ATF7: variants seen among roughly 807,000 people sequenced by gnomAD.
The protein encoded by ATF7 is cyclic AMP-dependent transcription factor ATF-7.
Under a neutral mutation model 50.4 loss-of-function variants are expected in ATF7, and 10 were observed. That is an observed-to-expected ratio of 0.20 (90% CI 0.12 to 0.34). The LOEUF (loss-of-function observed/expected upper bound fraction) is 0.34. Ranked by LOEUF, ATF7 falls within the 10% of genes least tolerant of loss-of-function variation. The pLI, the probability that ATF7 is intolerant of heterozygous loss-of-function variation, is 1.00. For missense variants in ATF7, 465 were observed against 613.9 expected (o/e 0.76, Z 2.56); for synonymous variants, 201 against 226.4 (o/e 0.89, Z 1.01).
In ATF7 at chr12:53,593,594, G is replaced by A. The variant is rs553504916; in HGVS notation, c.48+7359C>T. 1.6e-4 allele frequency among the ~76,000 whole-genome samples: 24 copies of A among 152,296 alleles called. No individual in the cohort carries two copies. The South Asian group carries it at 3.3e-3, about 21-fold the overall frequency. On this transcript the variant is annotated intron_variant, in intron 2 of 11. Transcript: ENST00000420353. Reference sequence around the variant, plus strand: ...TTTTCCTTTCTAAATGGCCAGGAGGGAAGAGCTCCACAGCCACTGTATGTG... The same window carrying A: ...TTTTCCTTTCTAAATGGCCAGGAGGAAAGAGCTCCACAGCCACTGTATGTG...
intron 9 of ATF7, among the ~76,000 whole-genome samples, chr12:53,525,309 T>C (rs1938379676): frequency 6.6e-6 from 1 of 152,056 alleles, no homozygotes; most frequent in African/African-American, 2.4e-5. Flanking sequence ...GCTGAGATCA[T>C]GCCATTGCAC....
rs1273506026 is a variant in ATF7 at position 53,529,640 on chromosome 12, A to AAT, written c.927+2102_927+2103dup. On this transcript the variant is annotated intron_variant, in intron 9 of 11. Coordinates refer to ENST00000420353, the MANE Select transcript of ATF7 (RefSeq NM_006856.3). ...CACCCGGCCCTCTACTATTATTTAT[A>AAT]ATATATATATATATACACACACACA... 1.0e-3 allele frequency among the ~76,000 whole-genome samples: 151 copies of AAT among 145,648 alleles called. 1 individual carries two copies. Among genetic ancestry groups the AAT allele is most frequent in the South Asian group, 3.0e-3 (14 of 4,656 alleles).
At chr12:53,585,120 A>G (rs911322462) in intron 2 of ATF7, among the ~76,000 whole-genome samples, 4 of 151,990 alleles carry the variant, frequency 2.6e-5, no homozygotes, top group Non-Finnish European at 2.9e-5. Flanking sequence ...CTACAGGTGC[A>G]CATTACCACA....
At chr12:53,509,617 T>C (rs1944091761), downstream of ATF7, among the ~76,000 whole-genome samples, 1 of 151,790 alleles carries the variant, frequency 6.6e-6, no homozygotes, top group African/African-American at 2.4e-5. Context: ...GCGATTCTCC[T>C]GCCTCAGCCT....
downstream of ATF7, among the ~76,000 whole-genome samples, chr12:53,508,552 C>T (rs1158706539): frequency 8.8e-6 from 1 of 114,154 alleles, no homozygotes; most frequent in Non-Finnish European, 1.8e-5. Flanking sequence ...AAGAGAAACT[C>T]TGTCTCAAAA....
downstream of ATF7, among the ~76,000 whole-genome samples, chr12:53,509,774 G>T (rs960136951): frequency 6.6e-6 from 1 of 152,026 alleles, no homozygotes; most frequent in African/African-American, 2.4e-5. Context: ...CCAAAGTGTT[G>T]GGATTACAGG....
At chr12:53,608,964 T>C (rs1237933256) in intron 1 of ATF7, among the ~76,000 whole-genome samples, 1 of 152,112 alleles carries the variant, frequency 6.6e-6, no homozygotes, top group Non-Finnish European at 1.5e-5. Flanking sequence ...GAAAACAAAG[T>C]AGACTACTCA....
intron 2 of ATF7, among the ~76,000 whole-genome samples, chr12:53,562,781 C>T (rs1271596965): frequency 3.9e-5 from 6 of 151,932 alleles, no homozygotes; most frequent in East Asian, 3.8e-4. Flanking sequence ...ACCAAGAATA[C>T]CCTAATGCAA....
chr12:53,523,956 A>C (rs963341827), intron 10 of ATF7, among the ~76,000 whole-genome samples: 1 of 152,218 alleles, frequency 6.6e-6, no homozygotes, highest in Non-Finnish European at 1.5e-5. Flanking sequence ...AATATTTAGG[A>C]ATATGAATCT....
intron 1 of ATF7, among the ~76,000 whole-genome samples, chr12:53,623,770 C>T (rs1944493970): frequency 6.6e-6 from 1 of 152,166 alleles, no homozygotes; most frequent in South Asian, 2.1e-4. Flanking sequence ...TTCAGAGCAG[C>T]TGTGTTCAGA....
chr12:53,625,891 T>G (rs2137972478), intron 1 of ATF7: 1 of 152,460 alleles, frequency 6.6e-6, no homozygotes, highest in Non-Finnish European at 1.5e-5. Flanking sequence ...TAGACTACCC[T>G]TCCCTCAGGA....
At chr12:53,568,154 A>G (rs1300954139) in intron 2 of ATF7, among the ~76,000 whole-genome samples, 1 of 152,202 alleles carries the variant, frequency 6.6e-6, no homozygotes, top group Non-Finnish European at 1.5e-5. Flanking sequence ...GGAGTTTTAA[A>G]ATTTTGAATG....
intron 2 of ATF7, among the ~76,000 whole-genome samples, chr12:53,569,410 GTTCTTCTC>G (rs1433288476): frequency 6.6e-6 from 1 of 152,176 alleles, no homozygotes; most frequent in Non-Finnish European, 1.5e-5. Flanking sequence ...TATGTGGAAT[GTTCTTCTC>G]TACTTTCTCT....
chr12:53,618,285 C>T (rs1373203149), intron 1 of ATF7, among the ~76,000 whole-genome samples: 1 of 152,128 alleles, frequency 6.6e-6, no homozygotes, highest in Non-Finnish European at 1.5e-5. Context: ...TGAAAAGAAC[C>T]TTGAGGGGTT....
intron 1 of ATF7, among the ~76,000 whole-genome samples, chr12:53,603,550 T>C (rs1471376177): frequency 6.6e-6 from 1 of 152,130 alleles, no homozygotes; most frequent in Non-Finnish European, 1.5e-5. Flanking sequence ...CAAAGGGAGA[T>C]CACAATGAGA....
At chr12:53,517,492 C>T in intron 11 of ATF7, 138 bp from the exon 12 acceptor site, 1 of 816,194 alleles carries the variant, frequency 1.2e-6, no homozygotes, top group Non-Finnish European at 1.9e-6. Context: ...GGGAAAACTT[C>T]CCAGAATCCT....
chr12:53,524,698 G>C lies in ATF7; in HGVS notation c.991C>G (p.Pro331Ala), dbSNP rs1938333864. ...AGAAAGCGCTGCCGTCGCTCATCTGGATCTTCATCTACTGTGCGCCGCCGT... is the reference window on the plus strand; with the variant it reads ...AGAAAGCGCTGCCGTCGCTCATCTGCATCTTCATCTACTGTGCGCCGCCGT... ...GRRRRTVDED[P>A]DERRQRFLER... Residue 331 changes from proline (P) to alanine (A), a missense_variant, in exon 10 of 12, where the codon CCA becomes GCA. Coordinates refer to ENST00000420353, the MANE Select transcript of ATF7 (RefSeq NM_006856.3). This position sits in a 1 kb window ranked among gnomAD's most constrained non-coding sequence, Gnocchi z 4.6. The C allele has an allele frequency of 6.2e-7, 1 of 1,613,330 alleles. No homozygotes were observed. Among genetic ancestry groups the C allele is most frequent in the Non-Finnish European group, 8.5e-7 (1 of 1,179,850 alleles).
rs768832246 is a variant in ATF7 at position 53,515,604 on chromosome 12, G to T, written c.*1533C>A. The T allele has an allele frequency of 2.6e-5, 4 of 152,234 alleles. No homozygotes were observed. The highest frequency in any genetic ancestry group is 4.4e-5 in the Non-Finnish European group (3 of 68,058). 9.4% of individuals were successfully genotyped at this position (152,234 alleles called of 1,614,324 possible). On this transcript the variant is annotated 3_prime_UTR_variant, in exon 12 of 12. Coordinates refer to ENST00000420353, the MANE Select transcript of ATF7 (RefSeq NM_006856.3). ...AAGCCTTAACGTGGAAGAGGGACAA[G>T]AGAGATGAATTGCTCCCTCTGCAAC...
At chr12:53,547,757 ATGTATGTATG>A (rs1940039117) in intron 3 of ATF7, among the ~76,000 whole-genome samples, 1 of 73,138 alleles carries the variant, frequency 1.4e-5, no homozygotes, top group Non-Finnish European at 3.2e-5. Context: ...TTATGTATGT[ATGTATGTATG>A]TATGTATGTA....
Sources: gnomAD v4.1 joint callset for allele counts (sites outside exome capture counted in the v4.1 genomes callset) on GRCh38, gnomAD v4.1.1 for gene constraint, Gnocchi (gnomAD v3.1) non-coding constraint, MANE v1.5 for transcripts, NCBI Gene and HGNC (gene_info 2026-07-23, HGNC 2026-07-21) for gene names.